RBFOX1: variants seen among roughly 807,000 people sequenced by gnomAD.
RBFOX1 encodes the protein RNA binding protein fox-1 homolog 1.
In RBFOX1, 8 loss-of-function variants were observed where a neutral mutation model predicts 57.7. That is an observed-to-expected ratio of 0.14 (90% CI 0.08 to 0.25). The LOEUF (loss-of-function observed/expected upper bound fraction) is 0.25. RBFOX1 is among the 10% of genes least tolerant of loss of function. The pLI is 1.00. For missense variants in RBFOX1, 611 were observed against 548.5 expected, an observed-to-expected ratio of 1.11 and a Z score of -1.14; for synonymous variants, 326 against 222.4, an observed-to-expected ratio of 1.47 and a Z score of -4.15.
chr16:7,004,602 C>G (rs1022590758), intron 3 of RBFOX1, among the ~76,000 whole-genome samples: 3 of 152,170 alleles, frequency 2.0e-5, no homozygotes, highest in African/African-American at 7.2e-5. Context: ...TATTTAATGG[C>G]TTTAATTTAG....
At chr16:6,979,185 A>G (rs1380330932) in intron 3 of RBFOX1, among the ~76,000 whole-genome samples, 1 of 152,210 alleles carries the variant, frequency 6.6e-6, no homozygotes, top group Non-Finnish European at 1.5e-5. Flanking sequence ...CAGGAAGTTG[A>G]AAGGTTATTT....
In RBFOX1 at chr16:6,431,896, G is replaced by GCTTGCTTGCTTT. The variant is rs1491277692; in HGVS notation, c.-64+114842_-64+114843insGCTTGCTTTCTT. On this transcript the variant is annotated intron_variant, in intron 2 of 15. Transcript: ENST00000550418. ...TGTCCAGAAATATGCTTGCTTGCTTGCTTTCTTTCTTTCTTTCTTTCTTTC... is the reference window on the plus strand; with the variant it reads ...TGTCCAGAAATATGCTTGCTTGCTTGCTTGCTTGCTTTCTTTCTTTCTTTCTTTCTTTCTTTC... Among the ~76,000 whole-genome samples the GCTTGCTTGCTTT allele has an allele frequency of 7.0e-3, 893 of 128,150 alleles. 5 individuals are homozygous for GCTTGCTTGCTTT. Among genetic ancestry groups the GCTTGCTTGCTTT allele is most frequent in the East Asian group, 0.012 (53 of 4,312 alleles). The allele number at this position is 128,150 out of a possible 152,430, so 84.1% of individuals were successfully genotyped here. A position where few individuals can be genotyped will look rare whatever the true frequency, so the allele number is the denominator to read the frequency against.
At chr16:6,905,436 C>T (rs1334234946) in intron 3 of RBFOX1, among the ~76,000 whole-genome samples, 2 of 151,828 alleles carry the variant, frequency 1.3e-5, no homozygotes, top group Non-Finnish European at 2.9e-5. Context: ...TCCTATAATC[C>T]CAGCTACTTG....
chr16:5,738,111 G>C (rs1039168701), intron 3 of RBFOX1, among the ~76,000 whole-genome samples: 2 of 151,702 alleles, frequency 1.3e-5, no homozygotes, highest in African/African-American at 4.8e-5. Flanking sequence ...GCAGTGTTTG[G>C]TTTTCTGTTC....
At chr16:6,623,328 C>A (rs1431224403) in intron 2 of RBFOX1, among the ~76,000 whole-genome samples, 28 of 152,234 alleles carry the variant, frequency 1.8e-4, no homozygotes, top group Admixed American at 1.8e-3. Flanking sequence ...AGCAGAGATG[C>A]TGAGAAGGGC....
chr16:5,708,075 A>G (rs575058232), intron 3 of RBFOX1, among the ~76,000 whole-genome samples: 1 of 152,284 alleles, frequency 6.6e-6, no homozygotes, highest in Admixed American at 6.5e-5. Flanking sequence ...TGCTGTCCAT[A>G]CCAAACAAGA....
At chr16:6,989,055 G>A (rs1407020225) in intron 3 of RBFOX1, among the ~76,000 whole-genome samples, 2 of 151,838 alleles carry the variant, frequency 1.3e-5, no homozygotes, top group African/African-American at 4.8e-5. Flanking sequence ...GAGCCACCGC[G>A]CCCGGCTTTT....
chr16:6,512,453 G>T (rs1376088868), intron 2 of RBFOX1, among the ~76,000 whole-genome samples: 1 of 152,082 alleles, frequency 6.6e-6, no homozygotes, highest in Non-Finnish European at 1.5e-5. Flanking sequence ...TTCTTGGATA[G>T]GTCATGGAGT....
At chr16:6,634,974 CAT>C (rs2098420258) in intron 2 of RBFOX1, among the ~76,000 whole-genome samples, 1 of 140,304 alleles carries the variant, frequency 7.1e-6, no homozygotes, top group South Asian at 2.2e-4. Context: ...ATATATTATA[CAT>C]GTTTTAATTT....
intron 1 of RBFOX1, among the ~76,000 whole-genome samples, chr16:6,272,608 GC>G (rs2152678332): frequency 6.6e-6 from 1 of 152,262 alleles, no homozygotes; most frequent in Non-Finnish European, 1.5e-5. Context: ...AAATGAAAGT[GC>G]CATGAAATTT....
chr16:6,718,739 C>G (rs977063465), intron 3 of RBFOX1, among the ~76,000 whole-genome samples: 3 of 152,170 alleles, frequency 2.0e-5, no homozygotes, highest in Non-Finnish European at 1.5e-5. Flanking sequence ...CTGAAGGTAA[C>G]CATAGTAACA....
intron 3 of RBFOX1, among the ~76,000 whole-genome samples, chr16:5,708,580 A>G (rs2051337503): frequency 6.6e-6 from 1 of 152,098 alleles, no homozygotes. Flanking sequence ...GCTGACCCCC[A>G]CCACCTCAAC....
At chr16:7,302,674 C>G (rs986990376) in intron 4 of RBFOX1, among the ~76,000 whole-genome samples, 8 of 148,578 alleles carry the variant, frequency 5.4e-5, no homozygotes, top group Non-Finnish European at 8.9e-5. Flanking sequence ...GGGTCAAAAT[C>G]TATATTAAAA....
intron 2 of RBFOX1, among the ~76,000 whole-genome samples, chr16:5,566,374 C>G (rs1046911243): frequency 6.6e-6 from 1 of 152,024 alleles, no homozygotes; most frequent in Non-Finnish European, 1.5e-5. Context: ...CAAATGGTGG[C>G]ACGGTACATA....
At chr16:6,597,172 A>G (rs2097784450) in intron 2 of RBFOX1, among the ~76,000 whole-genome samples, 2 of 152,214 alleles carry the variant, frequency 1.3e-5, no homozygotes, top group Admixed American at 6.5e-5. Flanking sequence ...AATTTTATAA[A>G]TTACTAAGGA....
chr16:5,284,488 A>G (rs1170927291), intron 1 of RBFOX1, among the ~76,000 whole-genome samples: 2 of 151,980 alleles, frequency 1.3e-5, no homozygotes, highest in African/African-American at 2.4e-5. Context: ...TAGGACCACA[A>G]CAAACAAGAC....
chr16:5,576,248 C>T (rs573199418), intron 2 of RBFOX1, among the ~76,000 whole-genome samples: 4 of 152,296 alleles, frequency 2.6e-5, no homozygotes, highest in East Asian at 1.9e-4. Context: ...GTGCAGTGGT[C>T]TCCCAAAGTG....
At chr16:7,141,767 G>A (rs140668694) in intron 4 of RBFOX1, among the ~76,000 whole-genome samples, 1 of 152,028 alleles carries the variant, frequency 6.6e-6, no homozygotes, top group African/African-American at 2.4e-5. Context: ...TTCCTACTCT[G>A]TCCCTGCTGT....
chr16:5,909,427 G>C (rs2058557638), intron 4 of RBFOX1, among the ~76,000 whole-genome samples: 1 of 152,244 alleles, frequency 6.6e-6, no homozygotes, highest in East Asian at 1.9e-4. Context: ...TAAAATAATA[G>C]AGAAGCCCAA....
Sources: allele counts gnomAD v4.1 joint callset (sites outside exome capture counted in the v4.1 genomes callset), GRCh38; gene constraint gnomAD v4.1.1; transcripts MANE v1.5; gene names NCBI Gene and HGNC (gene_info 2026-07-23, HGNC 2026-07-21).